Variants in LAMA2 observed in about 807,000 individuals in gnomAD.
LAMA2 encodes laminin subunit alpha 2.
LAMA2 carries 269 observed loss-of-function variants against 364.8 expected under a neutral mutation model. The ratio of observed to expected loss-of-function variants is 0.74; its 90% CI spans 0.67 to 0.82. LAMA2 has a LOEUF of 0.82. LAMA2 is among the 40% of genes least tolerant of loss of function. LAMA2 has a pLI of 0.00. For synonymous variants in LAMA2, 1,379 were observed against 1,370.6 expected, an observed-to-expected ratio of 1.01 and a Z score of -0.14; for missense variants, 3,807 against 3,873.2, an observed-to-expected ratio of 0.98 and a Z score of 0.45.
intron 56 of LAMA2, among the ~76,000 whole-genome samples, chr6:129,488,136 C>T (rs371413083): frequency 1.3e-5 from 2 of 152,056 alleles, no homozygotes; most frequent in South Asian, 2.1e-4. Context: ...GGTGAAACCC[C>T]GTCTCTACTA....
chr6:129,229,351 G>T (rs1269046130), intron 12 of LAMA2, among the ~76,000 whole-genome samples: 1 of 152,134 alleles, frequency 6.6e-6, no homozygotes, highest in African/African-American at 2.4e-5. Flanking sequence ...TTAGGACAAA[G>T]AGAAAGTAAG....
intron 19 of LAMA2, among the ~76,000 whole-genome samples, chr6:129,290,302 G>A (rs1789604171): frequency 1.3e-5 from 2 of 152,096 alleles, no homozygotes; most frequent in African/African-American, 4.8e-5. Flanking sequence ...TAAATCAGAT[G>A]AAAATGGATA....
intron 1 of LAMA2, among the ~76,000 whole-genome samples, chr6:128,975,590 T>C (rs1278150986): frequency 6.6e-6 from 1 of 152,184 alleles, no homozygotes; most frequent in African/African-American, 2.4e-5. Flanking sequence ...GTTCCCACAA[T>C]TCCCAAGGGT....
chr6:129,430,042 T>C (rs1036347110), intron 41 of LAMA2, among the ~76,000 whole-genome samples: 2 of 152,190 alleles, frequency 1.3e-5, no homozygotes, highest in African/African-American at 2.4e-5. Flanking sequence ...AAGTAATAAT[T>C]CCTCTAGAAA....
intron 1 of LAMA2, among the ~76,000 whole-genome samples, chr6:128,919,193 C>CA (rs1175615865): frequency 6.6e-6 from 1 of 152,174 alleles, no homozygotes; most frequent in Non-Finnish European, 1.5e-5. Flanking sequence ...AATCATGAGG[C>CA]ACTCATTGGG....
chr6:129,510,633 G>A (rs1378105921), intron 62 of LAMA2, among the ~76,000 whole-genome samples: 1 of 151,990 alleles, frequency 6.6e-6, no homozygotes, highest in Non-Finnish European at 1.5e-5. Flanking sequence ...AAGAAGGCAA[G>A]TAAAAATGAT....
chr6:129,250,014 C>G (rs1786056433), intron 12 of LAMA2, 98 bp from the exon 13 acceptor site: 1 of 783,154 alleles, frequency 1.3e-6, no homozygotes, highest in Admixed American at 1.8e-5. Context: ...GCAAATACTG[C>G]CCTATAGAAC....
intron 12 of LAMA2, among the ~76,000 whole-genome samples, chr6:129,194,564 T>A (rs1490252876): frequency 6.6e-6 from 1 of 152,172 alleles, no homozygotes; most frequent in Non-Finnish European, 1.5e-5. Context: ...TACCGATCAT[T>A]TTCACATCAA....
chr6:129,005,582 C>G (rs747392184), intron 1 of LAMA2, among the ~76,000 whole-genome samples: 28 of 151,666 alleles, frequency 1.8e-4, no homozygotes, highest in Non-Finnish European at 3.5e-4. Flanking sequence ...ATTTCAGATC[C>G]CATGCTTAAC....
At chr6:129,452,837 T>C in intron 45 of LAMA2, 151 bp from the exon 46 acceptor site, 1 of 695,762 alleles carries the variant, frequency 1.4e-6, no homozygotes, top group Non-Finnish European at 2.5e-6. Flanking sequence ...ATGAGTATAA[T>C]GGTGTCTGCA....
intron 4 of LAMA2, among the ~76,000 whole-genome samples, chr6:129,119,057 C>T (rs901129760): frequency 5.3e-5 from 8 of 152,204 alleles, no homozygotes; most frequent in African/African-American, 1.9e-4. Flanking sequence ...AAAGTCCCCT[C>T]TTCTCTCCAT....
chr6:128,975,667 AT>A (rs1782486186), intron 1 of LAMA2, among the ~76,000 whole-genome samples: 1 of 152,112 alleles, frequency 6.6e-6, no homozygotes, highest in South Asian at 2.1e-4. Flanking sequence ...TTTTCTCATG[AT>A]AGTGAATAAG....
chr6:129,331,436 A>C (rs1775645190), intron 29 of LAMA2, among the ~76,000 whole-genome samples: 2 of 151,822 alleles, frequency 1.3e-5, no homozygotes. Flanking sequence ...TTTCATTGAG[A>C]ATTTAGAAGC....
chr6:129,399,407 A>G (rs180909005), intron 37 of LAMA2, among the ~76,000 whole-genome samples: 48 of 152,338 alleles, frequency 3.2e-4, no homozygotes, highest in African/African-American at 9.9e-4. Flanking sequence ...GAGATTATGC[A>G]TTTCTAATGA....
rs374118201 is a variant in LAMA2, at chr6:129,197,758, A to C, written c.1782+4905A>C. On this transcript the variant is annotated intron_variant, in intron 12 of 64. Transcript: ENST00000421865. Reference sequence around the variant, plus strand: ...TAAATGAGAAAATAAGTATTAAAAAACAAAAAAAATCAAGGACTCATTTAT... The same window carrying C: ...TAAATGAGAAAATAAGTATTAAAAACCAAAAAAAATCAAGGACTCATTTAT... Among the ~76,000 whole-genome samples, 14 of 152,320 alleles carry C rather than the reference A, an allele frequency of 9.2e-5. No homozygotes were observed. The East Asian group carries it at 2.1e-3, about 23-fold the overall frequency.
chr6:128,918,502 G>A (rs1778490353), intron 1 of LAMA2, among the ~76,000 whole-genome samples: 3 of 152,138 alleles, frequency 2.0e-5, no homozygotes, highest in South Asian at 4.1e-4. Flanking sequence ...TTTATTAGGT[G>A]TTAAACTGAA....
intron 51 of LAMA2, among the ~76,000 whole-genome samples, chr6:129,469,796 A>G (rs1300450918): frequency 3.3e-5 from 5 of 151,948 alleles, no homozygotes; most frequent in Non-Finnish European, 1.5e-5. Flanking sequence ...GTATTAATAT[A>G]GATACAAAAT....
chr6:129,500,201 A>T (rs1271085914), intron 58 of LAMA2, among the ~76,000 whole-genome samples: 1 of 152,166 alleles, frequency 6.6e-6, no homozygotes, highest in Non-Finnish European at 1.5e-5. Context: ...TTAAATCCTA[A>T]GGTACATATT....
intron 14 of LAMA2, among the ~76,000 whole-genome samples, chr6:129,258,136 T>A (rs1373884853): frequency 6.6e-6 from 1 of 151,176 alleles, no homozygotes; most frequent in Admixed American, 6.6e-5. Flanking sequence ...GCAAGATAGG[T>A]TTCTGTTCTC....
Sources: allele counts gnomAD v4.1 joint callset (sites outside exome capture counted in the v4.1 genomes callset), GRCh38; gene constraint gnomAD v4.1.1; transcripts MANE v1.5; gene names NCBI Gene and HGNC (gene_info 2026-07-23, HGNC 2026-07-21).